Variants in ZC3HC1 observed in about 807,000 individuals in gnomAD.
ZC3HC1 encodes zinc finger C3HC-type containing 1.
Under a neutral mutation model 61.9 loss-of-function variants are expected in ZC3HC1, and 38 were observed. The ratio of observed to expected loss-of-function variants is 0.61; its 90% CI spans 0.47 to 0.81. ZC3HC1 has a LOEUF of 0.81. ZC3HC1 is among the 30% of genes least tolerant of loss of function. ZC3HC1 has a pLI of 0.00. For missense variants in ZC3HC1, 554 were observed against 622.7 expected, an observed-to-expected ratio of 0.89 and a Z score of 1.17; for synonymous variants, 213 against 229.9, an observed-to-expected ratio of 0.93 and a Z score of 0.67.
chr7:130,022,594 T>C, intron 8 of ZC3HC1, 69 bp from the exon 9 acceptor site: 3 of 1,532,114 alleles, frequency 2.0e-6, no homozygotes, highest in Middle Eastern at 1.7e-4. Flanking sequence ...GCACTGCTGT[T>C]AGTTATCAAG....
intron 6 of ZC3HC1, among the ~76,000 whole-genome samples, chr7:130,024,943 T>A (rs899870089): frequency 7.0e-6 from 1 of 142,958 alleles, no homozygotes; most frequent in Non-Finnish European, 1.5e-5. Flanking sequence ...TTTGCTCTTG[T>A]TGCCCGGGCT....
chr7:130,040,913 G>T, intron 3 of ZC3HC1, 38 bp downstream of exon 3: 1 of 1,570,594 alleles, frequency 6.4e-7, no homozygotes, highest in Non-Finnish European at 8.6e-7. Context: ...GTATATATTT[G>T]AGTGTGGAGA....
chr7:130,036,747 C>G (rs969808181), intron 4 of ZC3HC1: 3 of 151,844 alleles, frequency 2.0e-5, no homozygotes, highest in African/African-American at 7.3e-5. Flanking sequence ...GTTAAAGAAC[C>G]AAACCAAGGG....
At position 130,043,544 on chromosome 7, in the gene ZC3HC1, T is replaced by A. The variant is rs562363085; in HGVS notation, c.259-2443A>T. The A allele has an allele frequency of 2.9e-5, 5 of 174,512 alleles. No homozygotes were observed. The East Asian group carries it at 8.0e-4, about 28-fold the overall frequency. The allele number at this position is 174,512 out of a possible 1,614,324, so 10.8% of individuals were successfully genotyped here. A position where few individuals can be genotyped will look rare whatever the true frequency, so the allele number is the denominator to read the frequency against. ...AAAATGTTGATCAATTTATAGCCAA[T>A]GAACAAAAAGGAAATGGATCTAAAT... On this transcript the variant is annotated intron_variant, in intron 2 of 9. Transcript: ENST00000358303.
At chr7:130,050,594 G>T in intron 1 of ZC3HC1, 1 of 1,061,452 alleles carries the variant, frequency 9.4e-7, no homozygotes, top group African/African-American at 1.6e-5. Context: ...TATGAATGAA[G>T]GTAAAAACAC....
At position 130,051,267 on chromosome 7, in the gene ZC3HC1, G is replaced by T. The variant is rs1347529185; in HGVS notation, c.100C>A (p.Gln34Lys). The T allele has an allele frequency of 6.8e-6, 11 of 1,611,878 alleles. No individual in the cohort carries two copies. Among genetic ancestry groups the T allele is most frequent in the African/African-American group, 1.3e-5 (1 of 74,792 alleles). The change falls in exon 1 of 10, where the codon CAG becomes AAG. Residue 34 changes from glutamine to lysine, a missense_variant. Transcript: ENST00000358303. Reference sequence around the variant, plus strand: ...GGGGCAATCCCCTCATCTATCAGCTGCCGGATTTTCTGGGGGGTCCCTTCT... The same window carrying T: ...GGGGCAATCCCCTCATCTATCAGCTTCCGGATTTTCTGGGGGGTCCCTTCT... ...SPEGTPQKIR[Q>K]LIDEGIAPEE...
intron 3 of ZC3HC1, 59 bp from the exon 4 acceptor site, chr7:130,039,606 G>T: frequency 7.8e-7 from 1 of 1,277,144 alleles, no homozygotes; most frequent in South Asian, 1.4e-5. Flanking sequence ...AAAATCCAAT[G>T]AATGGCCTCT....
chr7:130,041,206 G>A lies in ZC3HC1; in HGVS notation c.259-105C>T, dbSNP rs1274824481. 11 of 1,325,318 alleles carry A rather than the reference G, an allele frequency of 8.3e-6. No homozygotes were observed. The Middle Eastern group carries it at 7.5e-4, about 90-fold the overall frequency. 82.1% of individuals were successfully genotyped at this position (1,325,318 alleles called of 1,614,324 possible). ...CACATACTGTTTTTTTTTTGTTTTT[G>A]AGAAAAGTTCTCACTCTGTCTCCCA... On this transcript the variant is annotated intron_variant, in intron 2 of 9. Transcript: ENST00000358303.
chr7:130,042,478 C>T (rs1794716135), intron 2 of ZC3HC1, among the ~76,000 whole-genome samples: 2 of 152,118 alleles, frequency 1.3e-5, no homozygotes, highest in South Asian at 4.2e-4. Flanking sequence ...TGCCATTCAC[C>T]TATGCTCTCC....
At chr7:130,032,998 T>C (rs1442276299) in intron 4 of ZC3HC1, among the ~76,000 whole-genome samples, 2 of 152,190 alleles carry the variant, frequency 1.3e-5, no homozygotes, top group African/African-American at 4.8e-5. Flanking sequence ...CTACTCTGGA[T>C]ACTGAGGCAG....
At chr7:130,022,263 T>C in intron 9 of ZC3HC1, 56 bp downstream of exon 9, 1 of 1,607,894 alleles carries the variant, frequency 6.2e-7, no homozygotes, top group Non-Finnish European at 8.5e-7. Flanking sequence ...CAGCCTCTGC[T>C]CCACCTCCCA....
At chr7:130,022,655 A>C (rs117926018) in intron 8 of ZC3HC1, 130 bp from the exon 9 acceptor site, 1 of 949,684 alleles carries the variant, frequency 1.1e-6, no homozygotes, top group South Asian at 1.6e-5. Flanking sequence ...TCTCCTTCAA[A>C]CTTTGCCTAC....
Position 130,023,466 on chromosome 7 carries a change from T to C in ZC3HC1, c.1233+45A>G. The C allele has an allele frequency of 2.5e-6, 4 of 1,592,536 alleles. No homozygotes were observed. Among genetic ancestry groups the C allele is most frequent in the Non-Finnish European group, 3.4e-6 (4 of 1,163,462 alleles). On this transcript the variant is annotated intron_variant, in intron 8 of 9. Coordinates refer to ENST00000358303, the MANE Select transcript of ZC3HC1 (RefSeq NM_016478.5). The surrounding 1 kb of genome is among the most constrained non-coding windows in gnomAD (Gnocchi z 4.2). Reference sequence around the variant, plus strand: ...TCCATGCTGCCTAGGGAGGGCCCAATATGCTGTTTATGCTCAGCCACTGCT... The same window carrying C: ...TCCATGCTGCCTAGGGAGGGCCCAACATGCTGTTTATGCTCAGCCACTGCT...
At position 130,051,230 on chromosome 7, in the gene ZC3HC1, C is replaced by T. The variant is rs551164244; in HGVS notation, c.137G>A (p.Gly46Asp). ...IDEGIAPEEG[G>D]VDAKDTSATS... ...TAACTCGTGAACTCACGCGTCCACG[C>T]CTCCCTCTTCCGGGGCAATCCCCTC... is the stretch of plus-strand genomic sequence containing the variant. The change falls in exon 1 of 10, where the codon GGC (glycine) becomes GAC (aspartate). Residue 46 changes from glycine (G) to aspartate (D), a missense_variant. Transcript: ENST00000358303. 2 of 1,607,650 alleles carry T rather than the reference C, an allele frequency of 1.2e-6. No individual in the cohort carries two copies. Among genetic ancestry groups the T allele is most frequent in the African/African-American group, 1.3e-5 (1 of 74,610 alleles).
chr7:130,048,113 C>CT (rs1242923764), intron 2 of ZC3HC1, among the ~76,000 whole-genome samples: 1 of 149,448 alleles, frequency 6.7e-6, no homozygotes, highest in Non-Finnish European at 1.5e-5. Context: ...ATGCCAATGA[C>CT]TGAGTTTGGA....
chr7:130,032,518 C>T (rs1403549461), intron 4 of ZC3HC1, among the ~76,000 whole-genome samples: 6 of 149,696 alleles, frequency 4.0e-5, no homozygotes, highest in African/African-American at 7.4e-5. Context: ...TGGTGGCATA[C>T]GCCTGTAGTC....
chr7:130,033,876 T>C (rs964970482), intron 4 of ZC3HC1, among the ~76,000 whole-genome samples: 1 of 152,210 alleles, frequency 6.6e-6, no homozygotes, highest in African/African-American at 2.4e-5. Flanking sequence ...CCTGATCCTT[T>C]TAATCACAGT....
intron 2 of ZC3HC1, 35 bp from the exon 3 acceptor site, chr7:130,041,136 ATATATATATGTGTGTGTATGTGTGTG>A: frequency 6.5e-7 from 1 of 1,542,624 alleles, no homozygotes; most frequent in Non-Finnish European, 8.8e-7. Context: ...CAGCAAATAT[ATATATATATGTGTGTGTATGTGTGTG>A]TGTGTGTGTG....
intron 4 of ZC3HC1, among the ~76,000 whole-genome samples, chr7:130,032,408 G>T (rs2116710046): frequency 6.6e-6 from 1 of 151,740 alleles, no homozygotes; most frequent in South Asian, 2.1e-4. Context: ...CATTTTGGGA[G>T]GCTGAGGTAG....
Sources: allele counts gnomAD v4.1 joint callset (sites outside exome capture counted in the v4.1 genomes callset), GRCh38; gene constraint gnomAD v4.1.1; non-coding constraint Gnocchi (gnomAD v3.1); transcripts MANE v1.5; gene names NCBI Gene and HGNC (gene_info 2026-07-23, HGNC 2026-07-21).